EPB41: variants seen among roughly 807,000 people sequenced by gnomAD.
EPB41 encodes erythrocyte membrane protein band 4.1, also known as protein 4.1.
EPB41 carries 65 observed loss-of-function variants against 108.0 expected under a neutral mutation model. The ratio of observed to expected loss-of-function variants is 0.60; its 90% CI spans 0.49 to 0.74. EPB41 has a LOEUF of 0.74. EPB41 is among the 30% of genes least tolerant of loss of function. The pLI, the probability that EPB41 is intolerant of heterozygous loss-of-function variation, is 0.00. For synonymous variants in EPB41, 336 were observed against 358.9 expected (o/e 0.94, Z 0.72); for missense variants, 875 against 1,037.0 (o/e 0.84, Z 2.15).
chr1:29,056,568 C>G (rs1016303811), intron 12 of EPB41, among the ~76,000 whole-genome samples: 4 of 151,948 alleles, frequency 2.6e-5, no homozygotes, highest in Non-Finnish European at 4.4e-5. Flanking sequence ...CTCTGTCACC[C>G]AGGCTGGAGT....
At chr1:28,987,289 A>G in intron 1 of EPB41, 142 bp from the exon 2 acceptor site, 4 of 698,324 alleles carry the variant, frequency 5.7e-6, no homozygotes, top group Non-Finnish European at 9.9e-6. Flanking sequence ...AATTTAATGG[A>G]AAGTCTCATG....
At chr1:29,060,336 TGG>T in intron 14 of EPB41, 84 bp from the exon 15 acceptor site, 1 of 1,168,150 alleles carries the variant, frequency 8.6e-7, no homozygotes, top group Admixed American at 1.8e-5. Context: ...AAATATTTTT[TGG>T]TTTGCCAATT....
chr1:29,012,554 AG>A (rs1414209408), intron 5 of EPB41, among the ~76,000 whole-genome samples: 3 of 152,218 alleles, frequency 2.0e-5, no homozygotes, highest in Non-Finnish European at 4.4e-5. Flanking sequence ...GGCTGAAAAA[AG>A]TACAGATTAG....
At chr1:28,941,894 CAAAAAAAA>C in intron 1 of EPB41, among the ~76,000 whole-genome samples, 1 of 64,870 alleles carries the variant, frequency 1.5e-5, no homozygotes, top group East Asian at 5.4e-4. Flanking sequence ...AGCTCTGTCT[CAAAAAAAA>C]AAAAAAAAAA....
chr1:29,099,689 T>C (rs1008475743), intron 17 of EPB41, among the ~76,000 whole-genome samples: 1 of 152,258 alleles, frequency 6.6e-6, no homozygotes, highest in African/African-American at 2.4e-5. Flanking sequence ...TGAATTGTTT[T>C]TCTTTTGTTA....
chr1:28,896,593 GA>G (rs1282305824), intron 1 of EPB41, among the ~76,000 whole-genome samples: 2 of 152,134 alleles, frequency 1.3e-5, no homozygotes, highest in African/African-American at 4.8e-5. Context: ...CAAAGGGCAG[GA>G]AAAAAGACAT....
intron 1 of EPB41, among the ~76,000 whole-genome samples, chr1:28,977,927 T>C (rs2930842): frequency 0.79 from 119,008 of 149,844 alleles, 48,110 homozygotes; most frequent in East Asian, 0.92. Context: ...AAAGTATCAG[T>C]GAGCTTTATC....
At chr1:29,092,368 A>G (rs1264996570) in intron 16 of EPB41, among the ~76,000 whole-genome samples, 2 of 151,902 alleles carry the variant, frequency 1.3e-5, no homozygotes, top group East Asian at 3.9e-4. Context: ...CTGGGATTAC[A>G]GGCGTGAGCC....
chr1:28,938,560 TC>T (rs1173690835), intron 1 of EPB41, among the ~76,000 whole-genome samples: 1 of 150,698 alleles, frequency 6.6e-6, no homozygotes, highest in Non-Finnish European at 1.5e-5. Flanking sequence ...TGACACAGTA[TC>T]TGGCTGCGTC....
Position 28,987,761 on chromosome 1 carries a change from A to C in EPB41, c.324A>C (p.Lys108Asn). 6.2e-7 allele frequency: 1 copy of C among 1,614,182 alleles called. No individual in the cohort carries two copies. Among genetic ancestry groups the C allele is most frequent in the African/African-American group, 1.3e-5 (1 of 75,060 alleles). ...AAGAAGTAGAGTCAGATAAAGAAAA[A>C]GGTGAAGGAGGTCAGAAAGAGATAG... is the stretch of plus-strand genomic sequence containing the variant. Reference protein sequence around the residue: ...EGKEVESDKEKGEGGQKEIEF... With the variant: ...EGKEVESDKENGEGGQKEIEF... Residue 108 changes from lysine (K) to asparagine (N), a missense_variant, in exon 2 of 21, where the codon AAA becomes AAC. This residue lies in a region of EPB41 where 353 missense variants were observed against 393.2 expected (regional missense o/e 0.90). Coordinates refer to ENST00000343067, the MANE Select transcript of EPB41 (RefSeq NM_001376013.1).
At chr1:29,081,034 T>C (rs1031355591) in intron 16 of EPB41, among the ~76,000 whole-genome samples, 10 of 152,190 alleles carry the variant, frequency 6.6e-5, no homozygotes, top group African/African-American at 2.2e-4. Flanking sequence ...CAGCAAGAGA[T>C]TGCTGTCAGC....
chr1:28,926,226 C>T (rs1341911476), intron 1 of EPB41, among the ~76,000 whole-genome samples: 3 of 151,886 alleles, frequency 2.0e-5, no homozygotes, highest in South Asian at 4.2e-4. Flanking sequence ...AAGATGAGAT[C>T]TGGGTGGGGC....
chr1:29,006,323 G>A (rs914937944), intron 4 of EPB41, among the ~76,000 whole-genome samples: 1 of 144,788 alleles, frequency 6.9e-6, no homozygotes, highest in Non-Finnish European at 1.5e-5. Context: ...TGCAAGCTCC[G>A]CCTCCCGGGT....
Position 29,115,594 on chromosome 1 carries a change from A to G in EPB41, c.2497-105A>G, listed in dbSNP as rs910134409. 1 of 958,752 alleles carries G rather than the reference A, an allele frequency of 1.0e-6. No individual in the cohort carries two copies. Among genetic ancestry groups the G allele is most frequent in the Non-Finnish European group, 1.6e-6 (1 of 610,890 alleles). The allele number at this position is 958,752 out of a possible 1,614,324, so 59.4% of individuals were successfully genotyped here. A position where few individuals can be genotyped will look rare whatever the true frequency, so the allele number is the denominator to read the frequency against. ...GCCTAAAGCTGCCCTGGTACTGCAG[A>G]CAGGAGTATTGGATCTGTCAGAACA... On this transcript the variant is annotated intron_variant, in intron 19 of 20. Coordinates refer to ENST00000343067, the MANE Select transcript of EPB41 (RefSeq NM_001376013.1). This position sits in a 1 kb window ranked among gnomAD's most constrained non-coding sequence, Gnocchi z 4.4.
At chr1:29,050,682 C>T (rs1644333824) in intron 11 of EPB41, among the ~76,000 whole-genome samples, 2 of 146,344 alleles carry the variant, frequency 1.4e-5, no homozygotes, top group African/African-American at 5.0e-5. Flanking sequence ...AAAGGAGATC[C>T]TTTTTTTTTT....
At chr1:28,974,017 C>T (rs2095548537) in intron 1 of EPB41, among the ~76,000 whole-genome samples, 1 of 152,172 alleles carries the variant, frequency 6.6e-6, no homozygotes, top group Non-Finnish European at 1.5e-5. Flanking sequence ...AATCATTTTC[C>T]TGCTTTGAAT....
At chr1:28,954,507 A>G (rs1375013051) in intron 1 of EPB41, among the ~76,000 whole-genome samples, 2 of 152,372 alleles carry the variant, frequency 1.3e-5, no homozygotes, top group African/African-American at 2.4e-5. Flanking sequence ...GTGTGAGCCA[A>G]TAATGAATGA....
intron 12 of EPB41, among the ~76,000 whole-genome samples, chr1:29,055,620 G>A (rs1344761814): frequency 6.8e-6 from 1 of 147,334 alleles, no homozygotes; most frequent in African/African-American, 2.5e-5. Flanking sequence ...CAGAATTAAG[G>A]GTGACTCTGA....
At chr1:28,923,108 TTTC>T (rs1395257073) in intron 1 of EPB41, among the ~76,000 whole-genome samples, 9,409 of 115,574 alleles carry the variant, frequency 0.081, 629 homozygotes, top group African/African-American at 0.18. Context: ...TTTCTTTTCT[TTTC>T]TTTTTTTTTT....
Sources: allele counts gnomAD v4.1 joint callset (sites outside exome capture counted in the v4.1 genomes callset), GRCh38; gene constraint gnomAD v4.1.1; regional missense constraint gnomAD v4.1.1; non-coding constraint Gnocchi (gnomAD v3.1); transcripts MANE v1.5; gene names NCBI Gene and HGNC (gene_info 2026-07-23, HGNC 2026-07-21).